Variants in FIGNL2 observed in about 807,000 individuals in gnomAD.
FIGNL2 encodes fidgetin-like protein 2.
For missense variants in FIGNL2, 1,060 were observed against 950.2 expected (o/e 1.12, Z -1.52); for synonymous variants, 565 against 484.0 (o/e 1.17, Z -2.20).
In FIGNL2 at chr12:51,821,251, G is replaced by C. The variant is rs2138969471; in HGVS notation, c.1163C>G (p.Pro388Arg). The change falls in exon 2 of 2, where the codon CCG becomes CGG. Residue 388 changes from proline to arginine, a missense_variant. By Grantham distance (103) the Pro-to-Arg change is moderately radical. Coordinates refer to ENST00000618634, the MANE Select transcript of FIGNL2 (RefSeq NM_001384995.1). ...GCCCGCCACATCCGCCCACTGCACC[G>C]GGGGCCCGCAGTCCACCATCTTGCT... ...VTSKMVDCGPPVQWADVAGQG... is the reference protein window; with the variant it reads ...VTSKMVDCGPRVQWADVAGQG... 2.0e-6 allele frequency: 3 copies of C among 1,524,538 alleles called. No individual in the cohort carries two copies. Among genetic ancestry groups the C allele is most frequent in the Non-Finnish European group, 2.6e-6 (3 of 1,141,940 alleles). The allele number at this position is 1,524,538 out of a possible 1,614,324, so 94.4% of individuals were successfully genotyped here.
Position 51,820,874 on chromosome 12 carries a change from G to A in FIGNL2, c.1540C>T (p.Leu514Phe). 2 of 1,392,644 alleles carry A rather than the reference G, an allele frequency of 1.4e-6. No homozygotes were observed. The highest frequency in any genetic ancestry group is 1.8e-6 in the Non-Finnish European group (2 of 1,081,308). 86.3% of individuals were successfully genotyped at this position (1,392,644 alleles called of 1,614,324 possible). A position where few individuals can be genotyped will look rare whatever the true frequency, so the allele number is the denominator to read the frequency against. The change falls in exon 2 of 2, where the codon CTC becomes TTC. Residue 514 changes from leucine (L) to phenylalanine (F), a missense_variant. By Grantham distance (22) the Leu-to-Phe change is conservative. Transcript: ENST00000618634. ...AAAGGALQVPLLACLDGGCGA... is the reference protein window; with the variant it reads ...AAAGGALQVPFLACLDGGCGA... ...CAGCCCCCGTCCAGGCAGGCCAGGA[G>A]CGGCACCTGCAGCGCGCCCCCTGCC...
At chr12:51,825,266 T>C (rs372617510) in intron 1 of FIGNL2, among the ~76,000 whole-genome samples, 2 of 152,244 alleles carry the variant, frequency 1.3e-5, no homozygotes, top group East Asian at 3.9e-4. Context: ...ACAGACACAG[T>C]AAATGAAGAA....
chr12:51,840,110 G>A (rs970199653), intron 1 of FIGNL2, among the ~76,000 whole-genome samples: 1 of 152,194 alleles, frequency 6.6e-6, no homozygotes, highest in African/African-American at 2.4e-5. Flanking sequence ...AGCACACAAC[G>A]CAGCCTCACA....
At chr12:51,826,692 G>A (rs560237388) in intron 1 of FIGNL2, among the ~76,000 whole-genome samples, 1 of 150,644 alleles carries the variant, frequency 6.6e-6, no homozygotes, top group Admixed American at 6.6e-5. Flanking sequence ...CACCAGGTCA[G>A]CAACTTCTGC....
Position 51,846,967 on chromosome 12 carries a change from G to GCCCAGCCAC in FIGNL2, c.-12+1564_-12+1572dup, listed in dbSNP as rs60485614. ...ATTTACGAGGCCTGTCACCCGTCCA[G>GCCCAGCCAC]CCCAGCCACCCCAGCAAGCCCCGCC... is the stretch of plus-strand genomic sequence containing the variant. On this transcript the variant is annotated intron_variant, in intron 1 of 1. Coordinates refer to ENST00000618634, the MANE Select transcript of FIGNL2 (RefSeq NM_001384995.1). The GCCCAGCCAC allele has an allele frequency of 1.7e-3, 1,681 of 981,532 alleles. 24 individuals carry two copies. The African/African-American group carries it at 0.027, about 16-fold the overall frequency. 60.8% of individuals were successfully genotyped at this position (981,532 alleles called of 1,614,324 possible). A position where few individuals can be genotyped will look rare whatever the true frequency, so the allele number is the denominator to read the frequency against.
chr12:51,846,221 C>T (rs944179354), intron 1 of FIGNL2, among the ~76,000 whole-genome samples: 1 of 152,182 alleles, frequency 6.6e-6, no homozygotes, highest in Admixed American at 6.5e-5. Context: ...GAGTGGACCC[C>T]GCCACAAAGG....
intron 1 of FIGNL2, among the ~76,000 whole-genome samples, chr12:51,844,231 C>T (rs116580555): frequency 5.8e-4 from 88 of 152,266 alleles, no homozygotes; most frequent in African/African-American, 1.9e-3. Context: ...AAAGCTTGGT[C>T]TCTAGGGTAG....
chr12:51,842,828 T>A (rs997617789), intron 1 of FIGNL2, among the ~76,000 whole-genome samples: 1 of 152,238 alleles, frequency 6.6e-6, no homozygotes, highest in African/African-American at 2.4e-5. Flanking sequence ...GCTTAGAGAA[T>A]GCAGGGACAG....
rs1939190818 is a variant in FIGNL2 at position 51,821,456 on chromosome 12, C to T, written c.958G>A (p.Ala320Thr). The T allele has an allele frequency of 6.5e-7, 1 of 1,538,376 alleles. No individual in the cohort carries two copies. Among genetic ancestry groups the T allele is most frequent in the Non-Finnish European group, 8.7e-7 (1 of 1,145,814 alleles). The change falls in exon 2 of 2, where the codon GCG (alanine) becomes ACG (threonine). Residue 320 changes from alanine to threonine, a missense_variant. Physicochemically the swap from Ala to Thr is moderately conservative, Grantham distance 58 (BLOSUM62 0). Transcript: ENST00000618634. The part of the protein sequence containing the change: ...RAKPPGAAEE[A>T]SGKYGGGVPL... ...ACGCCGCCACCGTACTTGCCCGACG[C>T]CTCCTCCGCGGCTCCTGGCGGCTTG...
chr12:51,821,899 C>G lies in FIGNL2; in HGVS notation c.515G>C (p.Cys172Ser), dbSNP rs984742674. 106 of 1,449,172 alleles carry G rather than the reference C, an allele frequency of 7.3e-5. No individual in the cohort carries two copies. Among genetic ancestry groups the G allele is most frequent in the Admixed American group, 2.8e-4 (9 of 32,672 alleles). The allele number at this position is 1,449,172 out of a possible 1,614,324, so 89.8% of individuals were successfully genotyped here. A position where few individuals can be genotyped will look rare whatever the true frequency, so the allele number is the denominator to read the frequency against. The change falls in exon 2 of 2, where the codon TGC (cysteine) becomes TCC (serine). Residue 172 changes from cysteine (C) to serine (S), a missense_variant. Cys to Ser is a moderately radical substitution (Grantham distance 112, BLOSUM62 -1). Transcript: ENST00000618634. ...GGGCAGCGCGGCGCCCGTCTGCGCG[C>G]AGTAACCCGGCGCCAGGTACCCCCC... Reference protein sequence around the residue: ...YGGGYLAPGYCAQTGAALPPP... With the variant: ...YGGGYLAPGYSAQTGAALPPP...
At chr12:51,838,478 G>T (rs923836194) in intron 1 of FIGNL2, among the ~76,000 whole-genome samples, 5 of 152,204 alleles carry the variant, frequency 3.3e-5, no homozygotes, top group African/African-American at 1.2e-4. Flanking sequence ...CCCACGGCTT[G>T]CAGGGGTCTC....
chr12:51,847,796 T>C (rs531467393), intron 1 of FIGNL2: 2 of 985,080 alleles, frequency 2.0e-6, no homozygotes, highest in Non-Finnish European at 2.4e-6. Flanking sequence ...AATCTCTGTG[T>C]AGAACAGGAG....
intron 1 of FIGNL2, among the ~76,000 whole-genome samples, chr12:51,827,743 G>A (rs1229676184): frequency 6.6e-6 from 1 of 152,198 alleles, no homozygotes; most frequent in East Asian, 1.9e-4. Context: ...GTTCCTTCCA[G>A]TTCTAATATG....
rs1435349390 is a variant in FIGNL2, at chr12:51,821,113, C to G, written c.1301G>C (p.Arg434Pro). The G allele has an allele frequency of 7.2e-7, 1 of 1,384,738 alleles. No individual in the cohort carries two copies. The highest frequency in any genetic ancestry group is 9.3e-7 in the Non-Finnish European group (1 of 1,080,528). 85.8% of individuals were successfully genotyped at this position (1,384,738 alleles called of 1,614,324 possible). A position where few individuals can be genotyped will look rare whatever the true frequency, so the allele number is the denominator to read the frequency against. ...GCCCAGCAGCGCTTTGCCCGCGCCC[C>G]GCGGCCCAAAGAGCAGGACGGTCCG... is the stretch of plus-strand genomic sequence containing the variant. Reference protein sequence around the residue: ...PPRTVLLFGPRGAGKALLGRC... With the variant: ...PPRTVLLFGPPGAGKALLGRC... The change falls in exon 2 of 2, where the codon CGG becomes CCG. Residue 434 changes from arginine to proline, a missense_variant. Transcript: ENST00000618634.
At chr12:51,832,614 C>T (rs1258963048) in intron 1 of FIGNL2, among the ~76,000 whole-genome samples, 1 of 152,072 alleles carries the variant, frequency 6.6e-6, no homozygotes, top group African/African-American at 2.4e-5. Context: ...ACCCTGCAGA[C>T]CTCGGGCTCA....
chr12:51,821,464 G>A lies in FIGNL2; in HGVS notation c.950C>T (p.Ala317Val). 1.3e-6 allele frequency: 2 copies of A among 1,539,546 alleles called. No homozygotes were observed. Among genetic ancestry groups the A allele is most frequent in the Non-Finnish European group, 1.7e-6 (2 of 1,147,350 alleles). ...ACCGTACTTGCCCGACGCCTCCTCC[G>A]CGGCTCCTGGCGGCTTGGCCCGGAA... ...NGFRAKPPGAAEEASGKYGGG... is the reference protein window; with the variant it reads ...NGFRAKPPGAVEEASGKYGGG... Residue 317 changes from alanine to valine, a missense_variant, in exon 2 of 2, where the codon GCG becomes GTG. Transcript: ENST00000618634.
intron 1 of FIGNL2, among the ~76,000 whole-genome samples, chr12:51,830,642 C>T (rs1382250754): frequency 6.6e-6 from 1 of 151,044 alleles, no homozygotes; most frequent in Non-Finnish European, 1.5e-5. Flanking sequence ...CAGGCGCCCA[C>T]CACTACACCC....
In FIGNL2 at chr12:51,822,191, A is replaced by G. The variant is rs143821284; in HGVS notation, c.223T>C (p.Tyr75His). 5.5e-5 allele frequency: 89 copies of G among 1,611,854 alleles called. No homozygotes were observed. Among genetic ancestry groups the G allele is most frequent in the Middle Eastern group, 5.0e-4 (3 of 6,054 alleles). The change falls in exon 2 of 2, where the codon TAC becomes CAC. Residue 75 changes from tyrosine (Y) to histidine (H), a missense_variant. By Grantham distance (83) the Tyr-to-His change is moderately conservative. Coordinates refer to ENST00000618634, the MANE Select transcript of FIGNL2 (RefSeq NM_001384995.1). ...EKYSGVLDSP[Y>H]ERPALGGYSD... Reference sequence around the variant, plus strand: ...TACCCGCCCAGGGCCGGACGCTCGTAGGGAGAATCCAAGACCCCAGAGTAC... The same window carrying G: ...TACCCGCCCAGGGCCGGACGCTCGTGGGGAGAATCCAAGACCCCAGAGTAC...
At chr12:51,842,262 A>G (rs902183949) in intron 1 of FIGNL2, among the ~76,000 whole-genome samples, 6 of 152,236 alleles carry the variant, frequency 3.9e-5, no homozygotes, top group Admixed American at 3.3e-4. Flanking sequence ...AAGAATGGCC[A>G]GCCCATGCCG....
Sources: gnomAD v4.1 joint callset for allele counts (sites outside exome capture counted in the v4.1 genomes callset) on GRCh38, gnomAD v4.1.1 for gene constraint, MANE v1.5 for transcripts, NCBI Gene and HGNC (gene_info 2026-07-23, HGNC 2026-07-21) for gene names.